The following ANKIB1 variants were observed in gnomAD, a reference collection of about 807,000 sequenced individuals.
ANKIB1 encodes ankyrin repeat and IBR domain containing 1, also known as ankyrin repeat and IBR domain-containing protein 1.
ANKIB1 carries 43 observed loss-of-function variants against 122.1 expected under a neutral mutation model. The observed-to-expected ratio is 0.35, with a 90% CI of 0.28 to 0.45. The LOEUF (loss-of-function observed/expected upper bound fraction) is 0.45. Ranked by LOEUF, ANKIB1 falls within the 20% of genes least tolerant of loss-of-function variation. The probability of loss-of-function intolerance (pLI) is 1.00; values close to 1 mark genes in which losing one functional copy is unlikely to be tolerated. For synonymous variants in ANKIB1, 390 were observed against 442.0 expected (o/e 0.88, Z 1.48); for missense variants, 992 against 1,329.5 (o/e 0.75, Z 3.95).
chr7:92,399,029 T>C lies in ANKIB1; in HGVS notation c.*80T>C. 1 of 1,414,324 alleles carries C rather than the reference T, an allele frequency of 7.1e-7. No homozygotes were observed. Among genetic ancestry groups the C allele is most frequent in the Non-Finnish European group, 9.3e-7 (1 of 1,073,908 alleles). The allele number at this position is 1,414,324 out of a possible 1,614,324, so 87.6% of individuals were successfully genotyped here. A position where few individuals can be genotyped will look rare whatever the true frequency, so the allele number is the denominator to read the frequency against. ...GAGTATGCTTGATAGAGACTTTGAT[T>C]CACTTAATTCCAACTCAGTGATAAA... On this transcript the variant is annotated 3_prime_UTR_variant, in exon 20 of 20. Coordinates refer to ENST00000265742, the MANE Select transcript of ANKIB1 (RefSeq NM_019004.2).
chr7:92,315,297 A>G (rs1040590878), intron 3 of ANKIB1, among the ~76,000 whole-genome samples: 8 of 152,204 alleles, frequency 5.3e-5, no homozygotes, highest in Admixed American at 1.3e-4. Flanking sequence ...AGATATTGAC[A>G]TCCTAGCTTA....
intron 3 of ANKIB1, among the ~76,000 whole-genome samples, chr7:92,307,906 C>A (rs1280001409): frequency 6.7e-6 from 1 of 150,034 alleles, no homozygotes; most frequent in Non-Finnish European, 1.5e-5. Flanking sequence ...CTCTGCCTCC[C>A]AGGTTGAAGA....
At chr7:92,271,882 A>G (rs1801801880) in intron 1 of ANKIB1, among the ~76,000 whole-genome samples, 1 of 152,226 alleles carries the variant, frequency 6.6e-6, no homozygotes, top group Admixed American at 6.5e-5. Flanking sequence ...GGGAAATGAA[A>G]TGGACAGGCA....
At chr7:92,257,708 C>CT (rs1397037575) in intron 1 of ANKIB1, among the ~76,000 whole-genome samples, 2 of 152,220 alleles carry the variant, frequency 1.3e-5, no homozygotes, top group Admixed American at 1.3e-4. Flanking sequence ...AGGAGAATCA[C>CT]TTGAACCCTG....
At chr7:92,355,565 T>C (rs867528522) in intron 9 of ANKIB1, among the ~76,000 whole-genome samples, 5 of 152,222 alleles carry the variant, frequency 3.3e-5, no homozygotes, top group South Asian at 2.1e-4. Context: ...AATAATAATA[T>C]GGTGCCAGGT....
intron 2 of ANKIB1, among the ~76,000 whole-genome samples, chr7:92,304,890 A>G (rs1802527323): frequency 6.6e-6 from 1 of 152,152 alleles, no homozygotes; most frequent in South Asian, 2.1e-4. Context: ...TGCCTCCCCT[A>G]AGCAAATGTT....
chr7:92,284,571 T>C (rs1429291950), intron 1 of ANKIB1, among the ~76,000 whole-genome samples: 2 of 152,230 alleles, frequency 1.3e-5, no homozygotes, highest in African/African-American at 4.8e-5. Context: ...AAGGGGGAAA[T>C]TAACATTAAG....
intron 5 of ANKIB1, among the ~76,000 whole-genome samples, chr7:92,335,638 A>T (rs908033602): frequency 5.9e-5 from 9 of 151,334 alleles, no homozygotes; most frequent in Non-Finnish European, 1.0e-4. Context: ...TTTTTTTACT[A>T]TTTTTTCTTT....
At chr7:92,316,291 T>C (rs568824762) in intron 3 of ANKIB1, among the ~76,000 whole-genome samples, 39 of 152,328 alleles carry the variant, frequency 2.6e-4, no homozygotes, top group African/African-American at 9.4e-4. Flanking sequence ...CTTTCTATTT[T>C]GTCAAAGTAA....
chr7:92,264,459 G>A (rs1038344742), intron 1 of ANKIB1, among the ~76,000 whole-genome samples: 5 of 151,918 alleles, frequency 3.3e-5, no homozygotes, highest in African/African-American at 9.7e-5. Context: ...GTGCAGTGGC[G>A]TGTTGTCGGC....
At chr7:92,270,969 A>G (rs1165388597) in intron 1 of ANKIB1, among the ~76,000 whole-genome samples, 1 of 151,810 alleles carries the variant, frequency 6.6e-6, no homozygotes, top group Non-Finnish European at 1.5e-5. Flanking sequence ...GATAAAGTCC[A>G]ATTTATCAAT....
intron 7 of ANKIB1, among the ~76,000 whole-genome samples, chr7:92,350,688 C>T (rs550483100): frequency 6.6e-6 from 1 of 152,056 alleles, no homozygotes; most frequent in Non-Finnish European, 1.5e-5. Flanking sequence ...CAAGACCCAT[C>T]GCTAGCAAAA....
At chr7:92,296,519 G>GA (rs1388726755) in intron 2 of ANKIB1, among the ~76,000 whole-genome samples, 1 of 152,054 alleles carries the variant, frequency 6.6e-6, no homozygotes, top group Admixed American at 6.6e-5. Flanking sequence ...TGCTCTTCAA[G>GA]ATCCTGTGTG....
chr7:92,288,299 G>A (rs969721831), intron 1 of ANKIB1, among the ~76,000 whole-genome samples: 5 of 152,216 alleles, frequency 3.3e-5, no homozygotes, highest in Middle Eastern at 3.4e-3. Context: ...TGACAAATAC[G>A]TGCACCATTT....
intron 5 of ANKIB1, among the ~76,000 whole-genome samples, chr7:92,338,911 CAAAAAAAAAA>C (rs1184392588): frequency 3.3e-4 from 7 of 21,202 alleles, no homozygotes; most frequent in African/African-American, 1.5e-3. Context: ...GACTCCATCT[CAAAAAAAAAA>C]AAAAAAAAAA....
In ANKIB1 at chr7:92,279,179, A is replaced by G. The variant is rs530369904; in HGVS notation, c.-90-15710A>G. Among the ~76,000 whole-genome samples the G allele has an allele frequency of 3.9e-5, 6 of 152,280 alleles. No homozygotes were observed. In the South Asian group the frequency reaches 1.2e-3, roughly 32 times the overall value. ...ACTGATCTGACATGAGGCAGAACTCAGGGGGTAATGTTCACTTGCCCGCTG... is the reference window on the plus strand; with the variant it reads ...ACTGATCTGACATGAGGCAGAACTCGGGGGGTAATGTTCACTTGCCCGCTG... On this transcript the variant is annotated intron_variant, in intron 1 of 19. Coordinates refer to ENST00000265742, the MANE Select transcript of ANKIB1 (RefSeq NM_019004.2).
chr7:92,384,987 C>CTAGTAAT (rs1364295976), intron 11 of ANKIB1, among the ~76,000 whole-genome samples: 1 of 152,162 alleles, frequency 6.6e-6, no homozygotes. Context: ...AATTACCCAT[C>CTAGTAAT]TGACAAGGGG....
chr7:92,343,737 G>A (rs970565630), intron 6 of ANKIB1, among the ~76,000 whole-genome samples: 5 of 151,922 alleles, frequency 3.3e-5, no homozygotes, highest in Non-Finnish European at 5.9e-5. Flanking sequence ...ACTGTAAACC[G>A]AAAATACAAA....
At chr7:92,298,208 C>T (rs936206183) in intron 2 of ANKIB1, among the ~76,000 whole-genome samples, 2 of 151,958 alleles carry the variant, frequency 1.3e-5, no homozygotes, top group African/African-American at 4.8e-5. Context: ...GATTACTAAT[C>T]TATTAAGGCT....
Sources: gnomAD v4.1 joint callset for allele counts (sites outside exome capture counted in the v4.1 genomes callset) on GRCh38, gnomAD v4.1.1 for gene constraint, MANE v1.5 for transcripts, NCBI Gene and HGNC (gene_info 2026-07-23, HGNC 2026-07-21) for gene names.